Variants in STX8 observed in about 807,000 individuals in gnomAD.
The protein encoded by STX8 is syntaxin 8, also known as syntaxin-8.
Under a neutral mutation model 37.5 loss-of-function variants are expected in STX8, and 23 were observed. The observed-to-expected ratio is 0.61, with a 90% CI of 0.44 to 0.87. The LOEUF is 0.87. Ranked by LOEUF, STX8 falls within the 40% of genes least tolerant of loss-of-function variation. STX8 has a pLI of 0.00. For synonymous variants in STX8, 115 were observed against 99.1 expected (o/e 1.16, Z -0.95); for missense variants, 313 against 284.7 (o/e 1.10, Z -0.71).
rs552887870 is a variant in STX8, at chr17:9,359,871, T to C, written c.643+18681A>G. On this transcript the variant is annotated intron_variant, in intron 7 of 7. Coordinates refer to ENST00000306357, the MANE Select transcript of STX8 (RefSeq NM_004853.3). Reference sequence around the variant, plus strand: ...TCAGGGAAGGGATCAAAGGTGATTTTATTTCTCTTTGGTGGGTCCTGTTTC... The same window carrying C: ...TCAGGGAAGGGATCAAAGGTGATTTCATTTCTCTTTGGTGGGTCCTGTTTC... Among the ~76,000 whole-genome samples, 236 of 152,150 alleles carry C rather than the reference T, an allele frequency of 1.6e-3. 1 individual carries two copies. Among genetic ancestry groups the C allele is most frequent in the Non-Finnish European group, 2.6e-3 (176 of 68,018 alleles).
At chr17:9,334,083 G>A (rs931080917) in intron 7 of STX8, among the ~76,000 whole-genome samples, 5 of 147,676 alleles carry the variant, frequency 3.4e-5, no homozygotes, top group South Asian at 2.2e-4. Context: ...TGGTTGGGTC[G>A]AAGGTGAAAT....
intron 3 of STX8, chr17:9,547,255 AAAAAAAAAAAAG>A (rs960672682): frequency 3.2e-5 from 2 of 62,056 alleles, no homozygotes; most frequent in African/African-American, 1.3e-4. Context: ...TCAAAAAAAA[AAAAAAAAAAAAG>A]AAAAAAGAAA....
chr17:9,299,904 T>C (rs1908706801), intron 7 of STX8, among the ~76,000 whole-genome samples: 1 of 152,228 alleles, frequency 6.6e-6, no homozygotes, highest in Admixed American at 6.5e-5. Context: ...CAACTACGTT[T>C]GCCAACACTT....
At chr17:9,457,704 A>G (rs1194786629) in intron 6 of STX8, among the ~76,000 whole-genome samples, 4 of 152,196 alleles carry the variant, frequency 2.6e-5, no homozygotes, top group Non-Finnish European at 5.9e-5. Flanking sequence ...ATCATAAGGT[A>G]CTAATTAGAG....
chr17:9,253,307 G>A (rs958529584), intron 7 of STX8, among the ~76,000 whole-genome samples: 1 of 151,996 alleles, frequency 6.6e-6, no homozygotes, highest in Non-Finnish European at 1.5e-5. Flanking sequence ...ATGCGTATGT[G>A]TGTGTATGTG....
intron 7 of STX8, among the ~76,000 whole-genome samples, chr17:9,342,138 C>T (rs1273092150): frequency 6.6e-6 from 1 of 152,158 alleles, no homozygotes; most frequent in Non-Finnish European, 1.5e-5. Flanking sequence ...ACACAACCTA[C>T]ATCCCTCGGA....
intron 7 of STX8, among the ~76,000 whole-genome samples, chr17:9,255,043 T>C (rs753834349): frequency 4.4e-4 from 67 of 152,082 alleles, no homozygotes; most frequent in Admixed American, 2.0e-3. Context: ...AGAGACAAGA[T>C]AGAAGAATGC....
intron 7 of STX8, among the ~76,000 whole-genome samples, chr17:9,308,647 T>TGGGAGGCAGAGGTTGCA (rs1211108642): frequency 3.7e-4 from 52 of 139,310 alleles, no homozygotes; most frequent in African/African-American, 1.3e-3. Context: ...TGCTTGAACC[T>TGGGAGGCAGAGGTTGCA]GGGAGGCAGA....
chr17:9,349,939 G>A (rs542625226), intron 7 of STX8, among the ~76,000 whole-genome samples: 1 of 152,256 alleles, frequency 6.6e-6, no homozygotes, highest in South Asian at 2.1e-4. Context: ...GTCTGACTAT[G>A]TTGACCAGAC....
chr17:9,273,282 G>A (rs770210332), intron 7 of STX8: 2 of 152,246 alleles, frequency 1.3e-5, no homozygotes, highest in Non-Finnish European at 2.9e-5. Flanking sequence ...TGCCTCGAAC[G>A]AGAGCAACTG....
At chr17:9,471,992 A>G (rs1313587713) in intron 6 of STX8, among the ~76,000 whole-genome samples, 1 of 152,088 alleles carries the variant, frequency 6.6e-6, no homozygotes, top group Non-Finnish European at 1.5e-5. Context: ...TTCCTGAGGG[A>G]GACATGTACC....
intron 6 of STX8, among the ~76,000 whole-genome samples, chr17:9,450,819 C>T (rs192237884): frequency 2.0e-5 from 3 of 150,674 alleles, no homozygotes; most frequent in Non-Finnish European, 1.5e-5. Flanking sequence ...GTGGTATTCT[C>T]AGTATTTTGT....
intron 6 of STX8, among the ~76,000 whole-genome samples, chr17:9,398,633 C>T (rs2314640): frequency 0.21 from 32,387 of 152,134 alleles, 4,074 homozygotes; most frequent in South Asian, 0.39. Context: ...ACATTAACTA[C>T]AGGGGAAAAT....
intron 6 of STX8, among the ~76,000 whole-genome samples, chr17:9,407,144 C>A (rs955790866): frequency 6.6e-6 from 1 of 152,190 alleles, no homozygotes; most frequent in East Asian, 1.9e-4. Flanking sequence ...TGAAGAAGCA[C>A]TGGAAAGTTT....
chr17:9,403,752 T>C (rs1235612953), intron 6 of STX8, among the ~76,000 whole-genome samples: 1 of 152,020 alleles, frequency 6.6e-6, no homozygotes, highest in Non-Finnish European at 1.5e-5. Flanking sequence ...GTTCAAGCAA[T>C]TCTCCTGCCT....
intron 2 of STX8, among the ~76,000 whole-genome samples, chr17:9,558,034 A>G (rs571483889): frequency 3.9e-5 from 6 of 152,300 alleles, no homozygotes; most frequent in Admixed American, 2.0e-4. Context: ...TTTTACGGCA[A>G]TGTGTTCTTT....
chr17:9,380,654 A>G (rs913633666), intron 6 of STX8, among the ~76,000 whole-genome samples: 1 of 149,970 alleles, frequency 6.7e-6, no homozygotes, highest in African/African-American at 2.5e-5. Flanking sequence ...GTACAGTATT[A>G]TAATGTTATA....
At chr17:9,468,630 G>A (rs1223835461) in intron 6 of STX8, among the ~76,000 whole-genome samples, 1 of 152,160 alleles carries the variant, frequency 6.6e-6, no homozygotes, top group East Asian at 1.9e-4. Flanking sequence ...TTTCAAGCAA[G>A]GCCTTTCTGC....
At position 9,265,786 on chromosome 17, in the gene STX8, C is replaced by T. The variant is rs77679170; in HGVS notation, c.644-15141G>A. On this transcript the variant is annotated intron_variant, in intron 7 of 7. Transcript: ENST00000306357. ...GACAAAAAGCTCTGCCCTCACCAAA[C>T]TGACGTCCTAGTGTGTGTTTGTTGG... Among the ~76,000 whole-genome samples, 1,129 of 152,338 alleles carry T rather than the reference C, an allele frequency of 7.4e-3. 15 individuals carry two copies. Among genetic ancestry groups the T allele is most frequent in the African/African-American group, 0.026 (1,083 of 41,580 alleles).
Sources: gnomAD v4.1 joint callset for allele counts (sites outside exome capture counted in the v4.1 genomes callset) on GRCh38, gnomAD v4.1.1 for gene constraint, MANE v1.5 for transcripts, NCBI Gene and HGNC (gene_info 2026-07-23, HGNC 2026-07-21) for gene names.